The following ANKHD1 variants were observed in gnomAD, a reference collection of about 807,000 sequenced individuals.
The protein encoded by ANKHD1 is ankyrin repeat and KH domain-containing protein 1.
Under a neutral mutation model 230.5 loss-of-function variants are expected in ANKHD1, and 31 were observed. The observed-to-expected ratio is 0.13, with a 90% CI of 0.10 to 0.18. The LOEUF (loss-of-function observed/expected upper bound fraction) is 0.18, where lower values mean the gene tolerates loss of function less well. Among genes scored for constraint, ANKHD1 ranks in the 10% least tolerant of loss-of-function variants. The pLI is 1.00. For missense variants in ANKHD1, 2,256 were observed against 3,071.3 expected (o/e 0.73, Z 6.27); for synonymous variants, 1,074 against 1,117.6 (o/e 0.96, Z 0.78).
intron 2 of ANKHD1, 50 bp from the exon 3 acceptor site, chr5:140,438,411 C>CTTTTTTTTTTTTTTTTTTTT: frequency 7.9e-7 from 1 of 1,272,492 alleles, no homozygotes; most frequent in Non-Finnish European, 1.1e-6. Flanking sequence ...CACTTTTATA[C>CTTTTTTTTTTTTTTTTTTTT]TTTTTTTTTT....
At chr5:140,415,239 C>T (rs1002226881) in intron 1 of ANKHD1, among the ~76,000 whole-genome samples, 35 of 151,618 alleles carry the variant, frequency 2.3e-4, no homozygotes, top group African/African-American at 7.2e-4. Flanking sequence ...AAAAATTAGC[C>T]GGGCATGGTG....
rs1769968772 is a variant in ANKHD1, at chr5:140,401,866, A to G, written c.-102A>G. On this transcript the variant is annotated 5_prime_UTR_variant, in exon 1 of 34. Transcript: ENST00000360839. ...GTTAGTGGCGCTGCTGGGACGGGGG[A>G]AAGGAGACGCTTCTTCCTCTTGCTG... 1 of 1,426,738 alleles carries G rather than the reference A, an allele frequency of 7.0e-7. No homozygotes were observed. The highest frequency in any genetic ancestry group is 1.5e-5 in the African/African-American group (1 of 66,140). 88.4% of individuals were successfully genotyped at this position (1,426,738 alleles called of 1,614,324 possible).
At chr5:140,495,481 G>A (rs955175184) in intron 14 of ANKHD1, among the ~76,000 whole-genome samples, 2 of 151,966 alleles carry the variant, frequency 1.3e-5, no homozygotes, top group Non-Finnish European at 2.9e-5. Flanking sequence ...TCCTGACCTT[G>A]TGATCCGCCT....
chr5:140,420,702 G>T (rs1771906559), intron 1 of ANKHD1, among the ~76,000 whole-genome samples: 1 of 152,140 alleles, frequency 6.6e-6, no homozygotes, highest in South Asian at 2.1e-4. Context: ...GTCTCCCTAT[G>T]CCAGTTCCAC....
At chr5:140,457,692 C>T (rs1775314268) in intron 7 of ANKHD1, among the ~76,000 whole-genome samples, 1 of 151,766 alleles carries the variant, frequency 6.6e-6, no homozygotes, top group African/African-American at 2.4e-5. Flanking sequence ...CATCACACAC[C>T]AGGGCCTGTT....
At chr5:140,469,569 A>G (rs1454515978) in intron 10 of ANKHD1, among the ~76,000 whole-genome samples, 4 of 152,074 alleles carry the variant, frequency 2.6e-5, no homozygotes, top group African/African-American at 4.8e-5. Context: ...AATTGCTCCC[A>G]AAGTTTTAGC....
At position 140,445,995 on chromosome 5, in the gene ANKHD1, ATATT is replaced by A; in HGVS notation, c.1147+24_1147+27del. On this transcript the variant is annotated intron_variant, in intron 6 of 33. Coordinates refer to ENST00000360839, the MANE Select transcript of ANKHD1 (RefSeq NM_017747.3). ...ACAAAGGTACTTAATACATGTATGAATATTTATAATGTTTTTCGTAACCACTTTG... is the reference window on the plus strand; with the variant it reads ...ACAAAGGTACTTAATACATGTATGAATATAATGTTTTTCGTAACCACTTTG... 1 of 1,548,728 alleles carries A rather than the reference ATATT, an allele frequency of 6.5e-7. No individual in the cohort carries two copies. The highest frequency in any genetic ancestry group is 8.7e-7 in the Non-Finnish European group (1 of 1,144,824).
At chr5:140,501,090 T>C (rs1208528609) in intron 15 of ANKHD1, among the ~76,000 whole-genome samples, 1 of 151,344 alleles carries the variant, frequency 6.6e-6, no homozygotes, top group Non-Finnish European at 1.5e-5. Context: ...ATTTTATTTA[T>C]AGGTTTTTGT....
At position 140,524,059 on chromosome 5, in the gene ANKHD1, T is replaced by C; in HGVS notation, c.4318-7T>C. On this transcript the variant is annotated splice_polypyrimidine_tract_variant and splice_region_variant and intron_variant, in intron 24 of 33. Coordinates refer to ENST00000360839, the MANE Select transcript of ANKHD1 (RefSeq NM_017747.3). Reference sequence around the variant, plus strand: ...TTGGTAAAATTATATACCTGCTTTATTTCCAGTCAAGAGAAGAGAGCAGAA... The same window carrying C: ...TTGGTAAAATTATATACCTGCTTTACTTCCAGTCAAGAGAAGAGAGCAGAA... 6.4e-7 allele frequency: 1 copy of C among 1,565,258 alleles called. No individual in the cohort carries two copies. The highest frequency in any genetic ancestry group is 8.6e-7 in the Non-Finnish European group (1 of 1,167,304).
In ANKHD1 at chr5:140,507,920, C is replaced by G. The variant is rs767300331; in HGVS notation, c.3687C>G (p.Thr1229=). The G allele has an allele frequency of 6.2e-7, 1 of 1,614,016 alleles. No individual in the cohort carries two copies. The highest frequency in any genetic ancestry group is 1.1e-5 in the South Asian group (1 of 91,070). ...AGACCAATCGGAACACGGCTCTCAC[C>G]CTGGCCTGTTTCCAGGGCCGAGCAG... is the stretch of plus-strand genomic sequence containing the variant. The part of the protein sequence containing the change: ...QIETNRNTAL[T]LACFQGRAEV... Residue 1229 remains threonine (T), a synonymous_variant, in exon 20 of 34, where the codon ACC becomes ACG. Coordinates refer to ENST00000360839, the MANE Select transcript of ANKHD1 (RefSeq NM_017747.3). The surrounding 1 kb of genome is among the most constrained non-coding windows in gnomAD (Gnocchi z 4.1).
chr5:140,452,767 A>G (rs953843457), intron 7 of ANKHD1, among the ~76,000 whole-genome samples: 2 of 152,174 alleles, frequency 1.3e-5, no homozygotes, highest in African/African-American at 4.8e-5. Context: ...AAAGATGGGG[A>G]AAAAACAGAG....
chr5:140,454,496 G>A (rs1775007341), intron 7 of ANKHD1, among the ~76,000 whole-genome samples: 1 of 152,016 alleles, frequency 6.6e-6, no homozygotes, highest in South Asian at 2.1e-4. Flanking sequence ...AAAGAACAGA[G>A]ATTATAACAA....
At chr5:140,496,482 T>TTTTA in intron 14 of ANKHD1, 38 bp from the exon 15 acceptor site, 1 of 1,036,354 alleles carries the variant, frequency 9.6e-7, no homozygotes, top group Non-Finnish European at 1.3e-6. Context: ...TTTTTTTTTT[T>TTTTA]AGCATGGCAC....
chr5:140,492,859 T>C (rs1422154987), intron 14 of ANKHD1, among the ~76,000 whole-genome samples: 1 of 152,188 alleles, frequency 6.6e-6, no homozygotes, highest in African/African-American at 2.4e-5. Context: ...AGGATTAAGC[T>C]CAATCCAATA....
At chr5:140,459,785 ATAAT>A (rs1272353839) in intron 9 of ANKHD1, among the ~76,000 whole-genome samples, 1 of 152,146 alleles carries the variant, frequency 6.6e-6, no homozygotes, top group Non-Finnish European at 1.5e-5. Context: ...ATTAAATTAA[ATAAT>A]TAAAAATACT....
Position 140,507,123 on chromosome 5 carries a change from T to C in ANKHD1, c.3551+146T>C, listed in dbSNP as rs1022983792. On this transcript the variant is annotated intron_variant, in intron 19 of 33. Transcript: ENST00000360839. The surrounding 1 kb of genome is among the most constrained non-coding windows in gnomAD (Gnocchi z 4.1). ...AACGATTATACCTATAATGTGTTTGTTTATAAGTAATCTCAGCTTATTTCA... is the reference window on the plus strand; with the variant it reads ...AACGATTATACCTATAATGTGTTTGCTTATAAGTAATCTCAGCTTATTTCA... The C allele has an allele frequency of 5.6e-5, 69 of 1,227,978 alleles. No individual in the cohort carries two copies. The highest frequency in any genetic ancestry group is 6.1e-5 in the Non-Finnish European group (56 of 910,792). 76.1% of individuals were successfully genotyped at this position (1,227,978 alleles called of 1,614,324 possible).
chr5:140,489,891 T>G (rs559110701), intron 14 of ANKHD1, among the ~76,000 whole-genome samples: 27 of 152,328 alleles, frequency 1.8e-4, no homozygotes, highest in Middle Eastern at 6.8e-3. Context: ...CGATAGTGCA[T>G]TGTGTTAAAA....
chr5:140,502,678 G>C (rs150232145), intron 15 of ANKHD1, among the ~76,000 whole-genome samples: 2 of 151,954 alleles, frequency 1.3e-5, no homozygotes, highest in Non-Finnish European at 2.9e-5. Context: ...TTTTCAAGCA[G>C]TTTTCCAAAC....
At position 140,509,590 on chromosome 5, in the gene ANKHD1, TA is replaced by T. The variant is rs781478968; in HGVS notation, c.3766-40del. On this transcript the variant is annotated intron_variant, in intron 20 of 33. Transcript: ENST00000360839. ...GCTTAGTTTTGGTCTACGGAATAGT[TA>T]AAAAAAGAAATGTAACTTAGTTGCA... 50 of 1,461,714 alleles carry T rather than the reference TA, an allele frequency of 3.4e-5. No individual in the cohort carries two copies. The African/African-American group carries it at 3.9e-4, about 11-fold the overall frequency. The allele number at this position is 1,461,714 out of a possible 1,614,324, so 90.5% of individuals were successfully genotyped here.
Sources: gnomAD v4.1 joint callset for allele counts (sites outside exome capture counted in the v4.1 genomes callset) on GRCh38, gnomAD v4.1.1 for gene constraint, Gnocchi (gnomAD v3.1) non-coding constraint, MANE v1.5 for transcripts, NCBI Gene and HGNC (gene_info 2026-07-23, HGNC 2026-07-21) for gene names.